The following WDR7 variants were observed in gnomAD, a reference collection of about 807,000 sequenced individuals.
WDR7 encodes WD repeat domain 7.
In WDR7, 46 loss-of-function variants were observed where a neutral mutation model predicts 169.4. That is an observed-to-expected ratio of 0.27 (90% CI 0.21 to 0.35). The LOEUF (loss-of-function observed/expected upper bound fraction) is 0.35, where lower values mean the gene tolerates loss of function less well. WDR7 is among the 10% of genes least tolerant of loss of function. The pLI, the probability that WDR7 is intolerant of heterozygous loss-of-function variation, is 1.00. For missense variants in WDR7, 1,534 were observed against 1,859.3 expected (o/e 0.83, Z 3.22); for synonymous variants, 612 against 666.8 (o/e 0.92, Z 1.27).
chr18:56,777,463 T>G (rs1474668124), intron 17 of WDR7, among the ~76,000 whole-genome samples: 2 of 152,202 alleles, frequency 1.3e-5, no homozygotes, highest in Non-Finnish European at 2.9e-5. Context: ...ATGTTATCTC[T>G]GTGGAGTTAC....
intron 25 of WDR7, among the ~76,000 whole-genome samples, chr18:56,960,570 CAT>C (rs1555717680): frequency 6.6e-6 from 1 of 152,086 alleles, no homozygotes; most frequent in Non-Finnish European, 1.5e-5. Context: ...CATAATAAGA[CAT>C]ACATTATTCA....
chr18:56,692,435 T>G (rs926829674), intron 9 of WDR7, among the ~76,000 whole-genome samples: 2 of 41,794 alleles, frequency 4.8e-5, no homozygotes, highest in Admixed American at 4.2e-4. Flanking sequence ...AGCAGAGTTT[T>G]TTTTGTTTTT....
rs1159102252 is a variant in WDR7, at chr18:56,686,992, A to G, written c.717+18A>G. 3 of 1,595,964 alleles carry G rather than the reference A, an allele frequency of 1.9e-6. No individual in the cohort carries two copies. The highest frequency in any genetic ancestry group is 2.2e-5 in the East Asian group (1 of 44,702). ...ATTGGAGGGTAAGATAATTATATAA[A>G]TAAGAAGCTGTATTTTTATCCTTCA... On this transcript the variant is annotated intron_variant, in intron 7 of 27. Transcript: ENST00000254442.
At chr18:56,776,758 A>C (rs1568188525) in intron 16 of WDR7, 24 bp from the exon 17 acceptor site, 2 of 1,602,848 alleles carry the variant, frequency 1.2e-6, no homozygotes, top group South Asian at 1.1e-5. Flanking sequence ...TCTCCTCTTT[A>C]CTTCTTCTCT....
At chr18:57,018,089 G>A (rs2048232462) in intron 26 of WDR7, among the ~76,000 whole-genome samples, 1 of 152,220 alleles carries the variant, frequency 6.6e-6, no homozygotes, top group Non-Finnish European at 1.5e-5. Context: ...GTGGTTTATA[G>A]CCTGCTTACT....
chr18:56,685,846 A>G, intron 5 of WDR7, 110 bp from the exon 6 acceptor site: 1 of 843,046 alleles, frequency 1.2e-6, no homozygotes, highest in Non-Finnish European at 1.8e-6. Context: ...TTTTCTGCTA[A>G]TTGTAAAACA....
intron 1 of WDR7, among the ~76,000 whole-genome samples, chr18:56,663,095 A>G (rs1482647650): frequency 6.6e-6 from 1 of 152,180 alleles, no homozygotes; most frequent in African/African-American, 2.4e-5. Context: ...GTGGAGAGGG[A>G]GAGAGCTTTT....
intron 21 of WDR7, among the ~76,000 whole-genome samples, chr18:56,894,468 C>A (rs935138923): frequency 4.6e-5 from 7 of 151,986 alleles, no homozygotes; most frequent in Non-Finnish European, 8.8e-5. Flanking sequence ...TTGGTTAACT[C>A]CTTCACTTCT....
At chr18:56,745,495 A>C (rs1278696653) in intron 14 of WDR7, among the ~76,000 whole-genome samples, 1 of 152,144 alleles carries the variant, frequency 6.6e-6, no homozygotes, top group Non-Finnish European at 1.5e-5. Context: ...GAGTCTCATA[A>C]GGAACGCACA....
Position 56,762,289 on chromosome 18 carries a change from C to A in WDR7, c.2848+3336C>A, listed in dbSNP as rs1599024150. Among the ~76,000 whole-genome samples the A allele has an allele frequency of 1.3e-5, 2 of 151,820 alleles. 1 individual carries two copies. On this transcript the variant is annotated intron_variant, in intron 16 of 27. Transcript: ENST00000254442. ...AGAAGCTTTCAGATTATTCAGGTTACAAAAACTGAGTTGTGGAATGTTTTC... is the reference window on the plus strand; with the variant it reads ...AGAAGCTTTCAGATTATTCAGGTTAAAAAAACTGAGTTGTGGAATGTTTTC...
At chr18:56,832,213 CAA>C (rs1456014457) in intron 20 of WDR7, among the ~76,000 whole-genome samples, 1 of 152,144 alleles carries the variant, frequency 6.6e-6, no homozygotes, top group Non-Finnish European at 1.5e-5. Flanking sequence ...ACGGTGTAAA[CAA>C]AGCTTCCGGA....
intron 16 of WDR7, among the ~76,000 whole-genome samples, chr18:56,766,480 G>A (rs929437171): frequency 1.3e-5 from 2 of 152,092 alleles, no homozygotes; most frequent in African/African-American, 4.8e-5. Context: ...CCATTGCAAT[G>A]TCTTCAAGTT....
intron 16 of WDR7, among the ~76,000 whole-genome samples, chr18:56,771,295 T>C (rs534084077): frequency 6.6e-6 from 1 of 152,346 alleles, no homozygotes; most frequent in East Asian, 1.9e-4. Flanking sequence ...TGGTTTCTTG[T>C]AACGTTTGGA....
chr18:56,933,096 G>A (rs1214140286), intron 22 of WDR7, among the ~76,000 whole-genome samples: 1 of 152,114 alleles, frequency 6.6e-6, no homozygotes, highest in African/African-American at 2.4e-5. Flanking sequence ...ATTCTAGGAG[G>A]ACACTGTAAC....
intron 2 of WDR7, among the ~76,000 whole-genome samples, chr18:56,676,492 A>G (rs2025247022): frequency 6.6e-6 from 1 of 151,746 alleles, no homozygotes; most frequent in East Asian, 1.9e-4. Flanking sequence ...AGTGATGGTG[A>G]TTTACTCAGG....
At chr18:56,984,689 A>G (rs772827386) in intron 26 of WDR7, among the ~76,000 whole-genome samples, 1 of 152,228 alleles carries the variant, frequency 6.6e-6, no homozygotes, top group Non-Finnish European at 1.5e-5. Context: ...CACTTTTTAA[A>G]TGAAACCTTC....
At position 56,916,307 on chromosome 18, in the gene WDR7, C is replaced by T. The variant is rs139625064; in HGVS notation, c.3527-7615C>T. ...GACAGGTCCCGGTGTGTGATGTTCC[C>T]CTTCCTGTGTCCAAGTGTTCTCATT... On this transcript the variant is annotated intron_variant, in intron 21 of 27. Transcript: ENST00000254442. 1.3e-3 allele frequency among the ~76,000 whole-genome samples: 189 copies of T among 151,160 alleles called. 3 individuals carry two copies. In the East Asian group the frequency reaches 0.023, roughly 18 times the overall value.
intron 21 of WDR7, among the ~76,000 whole-genome samples, chr18:56,889,735 C>T (rs890055321): frequency 1.3e-5 from 2 of 152,160 alleles, no homozygotes; most frequent in African/African-American, 4.8e-5. Context: ...TTCAGAACTG[C>T]TGCTACAGAG....
At chr18:56,691,878 A>C in intron 9 of WDR7, 61 bp downstream of exon 9, 2 of 1,347,368 alleles carry the variant, frequency 1.5e-6, no homozygotes. Flanking sequence ...CTACAACTGT[A>C]TTTATTGTCT....
Sources: gnomAD v4.1 joint callset for allele counts (sites outside exome capture counted in the v4.1 genomes callset) on GRCh38, gnomAD v4.1.1 for gene constraint, MANE v1.5 for transcripts, NCBI Gene and HGNC (gene_info 2026-07-23, HGNC 2026-07-21) for gene names.